Variants in TRIM5 observed in about 807,000 individuals in gnomAD.
TRIM5 encodes the protein tripartite motif-containing protein 5.
Under a neutral mutation model 35.6 loss-of-function variants are expected in TRIM5, and 31 were observed. That is an observed-to-expected ratio of 0.87 (90% CI 0.65 to 1.18). The LOEUF (loss-of-function observed/expected upper bound fraction) is 1.18, where lower values mean the gene tolerates loss of function less well. TRIM5 is among the 50% of genes most tolerant of loss of function. The probability of loss-of-function intolerance (pLI) is 0.00; values close to 1 mark genes in which losing one functional copy is unlikely to be tolerated. For missense variants in TRIM5, 609 were observed against 591.6 expected, an observed-to-expected ratio of 1.03 and a Z score of -0.31; for synonymous variants, 243 against 215.6, an observed-to-expected ratio of 1.13 and a Z score of -1.11.
the TRIM5 span, among the ~76,000 whole-genome samples, chr11:5,600,864 C>T: frequency 1.3e-5 from 2 of 152,006 alleles, no homozygotes; most frequent in African/African-American, 2.4e-5. Context: ...TCTTTGGTGG[C>T]CCAAACACAA....
the TRIM5 span, chr11:5,644,348 C>A: frequency 2.5e-6 from 1 of 397,986 alleles, no homozygotes; most frequent in South Asian, 1.3e-4. Flanking sequence ...TGTAATGCAT[C>A]GATTTAGTGT....
the TRIM5 span, among the ~76,000 whole-genome samples, chr11:5,607,161 A>G: frequency 1.1e-4 from 17 of 152,184 alleles, no homozygotes; most frequent in Admixed American, 2.0e-4. Flanking sequence ...CCGAGATCGC[A>G]CCACTGCACT....
At chr11:5,588,812 G>C in the TRIM5 span, 2,147 of 148,620 alleles carry the variant, frequency 0.014, 26 homozygotes, top group Non-Finnish European at 0.021. Flanking sequence ...GAGATGGAGT[G>C]TCGCTTTGTT....
At chr11:5,604,166 G>C in the TRIM5 span, among the ~76,000 whole-genome samples, 2 of 144,848 alleles carry the variant, frequency 1.4e-5, no homozygotes, top group Non-Finnish European at 3.1e-5. Flanking sequence ...AGCTAATTGT[G>C]TGTGTGTGTG....
At chr11:5,619,037 G>A in the TRIM5 span, among the ~76,000 whole-genome samples, 1 of 152,202 alleles carries the variant, frequency 6.6e-6, no homozygotes, top group African/African-American at 2.4e-5. Context: ...TGTATTGTGT[G>A]CAAACGGTGA....
At chr11:5,594,971 G>C in the TRIM5 span, among the ~76,000 whole-genome samples, 6 of 152,102 alleles carry the variant, frequency 3.9e-5, no homozygotes, top group African/African-American at 1.4e-4. Flanking sequence ...CTACACAAAG[G>C]GTGATCTGAA....
At chr11:5,596,862 C>T in the TRIM5 span, 2 of 1,613,894 alleles carry the variant, frequency 1.2e-6, no homozygotes, top group Admixed American at 1.7e-5. Flanking sequence ...CCTGATATTG[C>T]TTACATCTGG....
At chr11:5,630,690 T>C in the TRIM5 span, among the ~76,000 whole-genome samples, 1 of 152,232 alleles carries the variant, frequency 6.6e-6, no homozygotes, top group African/African-American at 2.4e-5. Flanking sequence ...GCAAGATATC[T>C]TGGATAGTTC....
the TRIM5 span, chr11:5,610,368 A>C: frequency 3.2e-6 from 5 of 1,563,928 alleles, no homozygotes; most frequent in Non-Finnish European, 4.4e-6. Flanking sequence ...AGAGGGAGGG[A>C]CATAGTGTGC....
At chr11:5,648,405 C>T in the TRIM5 span, among the ~76,000 whole-genome samples, 2 of 152,042 alleles carry the variant, frequency 1.3e-5, no homozygotes, top group Non-Finnish European at 2.9e-5. Context: ...ACTCAGTTGG[C>T]TGAGGCGGGA....
the TRIM5 span, among the ~76,000 whole-genome samples, chr11:5,629,619 T>C: frequency 6.6e-6 from 1 of 152,252 alleles, no homozygotes; most frequent in African/African-American, 2.4e-5. Context: ...TTTGCACTCA[T>C]GCAGCTTAAC....
At chr11:5,629,824 T>C in the TRIM5 span, among the ~76,000 whole-genome samples, 44 of 152,220 alleles carry the variant, frequency 2.9e-4, no homozygotes, top group South Asian at 6.2e-4. Flanking sequence ...TCTCCTGCCT[T>C]AGCCTCCCGA....
the TRIM5 span, among the ~76,000 whole-genome samples, chr11:5,598,130 A>C: frequency 2.6e-5 from 4 of 151,996 alleles, no homozygotes; most frequent in Non-Finnish European, 5.9e-5. Context: ...TCTCGTCTGC[A>C]CTCCTCACAG....
chr11:5,674,372 A>G (rs1851782509), intron 4 of TRIM5, among the ~76,000 whole-genome samples: 1 of 152,240 alleles, frequency 6.6e-6, no homozygotes, highest in Non-Finnish European at 1.5e-5. Context: ...TGGGTATAAC[A>G]CAGAAAGAAG....
At chr11:5,603,547 A>G in the TRIM5 span, 1 of 1,614,060 alleles carries the variant, frequency 6.2e-7, no homozygotes, top group Non-Finnish European at 8.5e-7. Context: ...CAACATAGTG[A>G]GGCGGCTCAG....
At chr11:5,674,212 T>C (rs1043217390) in intron 4 of TRIM5, among the ~76,000 whole-genome samples, 3 of 152,090 alleles carry the variant, frequency 2.0e-5, no homozygotes, top group East Asian at 3.9e-4. Context: ...GTGCTGTAGA[T>C]AGAAATGAAA....
intron 5 of TRIM5, among the ~76,000 whole-genome samples, chr11:5,666,976 A>G (rs904333177): frequency 6.6e-6 from 1 of 152,198 alleles, no homozygotes; most frequent in Non-Finnish European, 1.5e-5. Context: ...CCAATGGACA[A>G]TTAGGGGTAT....
chr11:5,663,149 CAAACAAACA>C (rs1451014612), downstream of TRIM5: 3 of 715,438 alleles, frequency 4.2e-6, no homozygotes, highest in Admixed American at 7.5e-5. Context: ...AACAAACAAA[CAAACAAACA>C]AAAAAGCCCA....
the TRIM5 span, among the ~76,000 whole-genome samples, chr11:5,620,557 G>A: frequency 2.0e-5 from 3 of 152,026 alleles, no homozygotes; most frequent in Non-Finnish European, 2.9e-5. Context: ...TTTACATGTT[G>A]GAACTAAAAC....
Sources: allele counts gnomAD v4.1 joint callset (sites outside exome capture counted in the v4.1 genomes callset), GRCh38; gene constraint gnomAD v4.1.1; transcripts MANE v1.5; gene names NCBI Gene and HGNC (gene_info 2026-07-23, HGNC 2026-07-21).